Variants in STRBP observed in about 807,000 individuals in gnomAD.
STRBP encodes the protein spermatid perinuclear RNA binding protein.
STRBP carries 13 observed loss-of-function variants against 80.1 expected under a neutral mutation model. That is an observed-to-expected ratio of 0.16 (90% CI 0.11 to 0.26). The LOEUF (loss-of-function observed/expected upper bound fraction) is 0.26. STRBP is among the 10% of genes least tolerant of loss of function. STRBP has a pLI of 1.00. For synonymous variants in STRBP, 284 were observed against 291.2 expected (o/e 0.98, Z 0.25); for missense variants, 485 against 815.2 (o/e 0.59, Z 4.93).
At chr9:123,227,657 C>T (rs1808280694) in intron 2 of STRBP, among the ~76,000 whole-genome samples, 1 of 150,992 alleles carries the variant, frequency 6.6e-6, no homozygotes, top group Admixed American at 6.6e-5. Context: ...CCTCCGCCTC[C>T]CAGGTTCAAG....
At chr9:123,216,440 ACTC>A (rs2039900629) in intron 2 of STRBP, among the ~76,000 whole-genome samples, 1 of 152,098 alleles carries the variant, frequency 6.6e-6, no homozygotes, top group Non-Finnish European at 1.5e-5. Flanking sequence ...AATACGTGCA[ACTC>A]CTCATCATTC....
intron 2 of STRBP, among the ~76,000 whole-genome samples, chr9:123,203,018 C>A (rs183302194): frequency 6.6e-6 from 1 of 152,242 alleles, no homozygotes; most frequent in African/African-American, 2.4e-5. Context: ...AACCCTTCCC[C>A]AGAGTTTATT....
chr9:123,116,296 C>A (rs1305821884), intron 2 of STRBP, among the ~76,000 whole-genome samples: 1 of 152,192 alleles, frequency 6.6e-6, no homozygotes, highest in Non-Finnish European at 1.5e-5. Context: ...TGAGGCGGAA[C>A]ATAAAACACA....
At chr9:123,159,982 T>C (rs557269905) in intron 8 of STRBP, among the ~76,000 whole-genome samples, 1 of 152,246 alleles carries the variant, frequency 6.6e-6, no homozygotes, top group East Asian at 1.9e-4. Flanking sequence ...ATTGGGTAAT[T>C]TTCATGGTAA....
chr9:123,226,454 A>T (rs574829358), intron 2 of STRBP, among the ~76,000 whole-genome samples: 3 of 152,344 alleles, frequency 2.0e-5, no homozygotes, highest in Non-Finnish European at 4.4e-5. Flanking sequence ...TACTAAGCAG[A>T]TTCAAACTCA....
At chr9:123,240,805 T>C (rs372488272) in intron 1 of STRBP, among the ~76,000 whole-genome samples, 1 of 152,272 alleles carries the variant, frequency 6.6e-6, no homozygotes, top group South Asian at 2.1e-4. Context: ...TATATACAAA[T>C]CACCACACTA....
chr9:123,263,981 C>T (rs2041214758), intron 1 of STRBP, among the ~76,000 whole-genome samples: 1 of 152,152 alleles, frequency 6.6e-6, no homozygotes, highest in South Asian at 2.1e-4. Context: ...AGATCGAGAC[C>T]GTCCTGGCCA....
In STRBP at chr9:123,125,059, G is replaced by A; in HGVS notation, c.*538C>T. The A allele has an allele frequency of 1.0e-6, 1 of 985,084 alleles. No homozygotes were observed. The allele number at this position is 985,084 out of a possible 1,614,324, so 61.0% of individuals were successfully genotyped here. On this transcript the variant is annotated 3_prime_UTR_variant, in exon 19 of 19. Coordinates refer to ENST00000348403, the MANE Select transcript of STRBP (RefSeq NM_018387.5). ...CAATATTCAAACCCATATTTTATTG[G>A]CTTTATTACACACTTCAATATTTAC...
intron 2 of STRBP, among the ~76,000 whole-genome samples, chr9:123,192,606 A>G (rs1332473235): frequency 3.3e-5 from 5 of 152,138 alleles, no homozygotes; most frequent in Non-Finnish European, 5.9e-5. Context: ...TTAAAAAGGG[A>G]AAGGGGGATA....
chr9:123,189,103 T>C (rs2038817813), intron 2 of STRBP, among the ~76,000 whole-genome samples: 2 of 152,162 alleles, frequency 1.3e-5, no homozygotes, highest in Non-Finnish European at 2.9e-5. Flanking sequence ...ATGTGGCACA[T>C]ATACACCATG....
At chr9:123,253,563 C>T (rs1339347400) in intron 1 of STRBP, among the ~76,000 whole-genome samples, 1 of 152,236 alleles carries the variant, frequency 6.6e-6, no homozygotes, top group Non-Finnish European at 1.5e-5. Flanking sequence ...CACTTATCAG[C>T]TAAGTGATTC....
intron 2 of STRBP, among the ~76,000 whole-genome samples, chr9:123,225,496 T>G (rs2040206738): frequency 6.6e-6 from 1 of 152,224 alleles, no homozygotes; most frequent in Non-Finnish European, 1.5e-5. Context: ...TTCCTATGTT[T>G]GGGGAATCCC....
At chr9:123,176,606 G>C (rs1335962556) in intron 4 of STRBP, among the ~76,000 whole-genome samples, 2 of 152,192 alleles carry the variant, frequency 1.3e-5, no homozygotes, top group African/African-American at 4.8e-5. Context: ...AGTAGGAAAA[G>C]TATGTGGTAC....
chr9:123,181,449 CT>C (rs2038454432), intron 3 of STRBP, among the ~76,000 whole-genome samples: 1 of 152,138 alleles, frequency 6.6e-6, no homozygotes, highest in Non-Finnish European at 1.5e-5. Context: ...AATGTTAAAT[CT>C]AAAAATGTTA....
chr9:123,148,856 A>AG (rs2036933923), intron 11 of STRBP, among the ~76,000 whole-genome samples: 23 of 152,180 alleles, frequency 1.5e-4, no homozygotes, highest in Admixed American at 1.5e-3. Flanking sequence ...TATCTTACAA[A>AG]CTACCTTAAC....
At chr9:123,215,928 A>G (rs1588115309) in intron 2 of STRBP, among the ~76,000 whole-genome samples, 2 of 152,244 alleles carry the variant, frequency 1.3e-5, no homozygotes, top group African/African-American at 2.4e-5. Context: ...CTAATGTCTG[A>G]TAACAGTGAA....
intron 2 of STRBP, among the ~76,000 whole-genome samples, chr9:123,233,871 G>C (rs2040465943): frequency 6.6e-6 from 1 of 152,116 alleles, no homozygotes; most frequent in Admixed American, 6.5e-5. Flanking sequence ...CAGTTCACAT[G>C]CTTCTTTTAA....
intron 1 of STRBP, among the ~76,000 whole-genome samples, chr9:123,251,591 GT>G (rs2040918921): frequency 6.6e-6 from 1 of 152,116 alleles, no homozygotes; most frequent in African/African-American, 2.4e-5. Context: ...GCTTTTTCAT[GT>G]ACAAGATAAG....
At position 123,136,072 on chromosome 9, in the gene STRBP, G is replaced by A; in HGVS notation, c.1742C>T (p.Ala581Val). ...LEKLFSGPNA[A>V]NNKKKKIIPQ... is the part of the protein sequence containing the mutation. ...GATAATCTTCTTTTTCTTATTATTT[G>A]CCGCATTGGGTCCAGAAAACAGTTT... The change falls in exon 16 of 19, where the codon GCA becomes GTA. Residue 581 changes from alanine to valine, a missense_variant. By Grantham distance (64) the Ala-to-Val change is moderately conservative. This residue lies in a region of STRBP where 85 missense variants were observed against 120.1 expected (regional missense o/e 0.71). Transcript: ENST00000348403. This position sits in a 1 kb window ranked among gnomAD's most constrained non-coding sequence, Gnocchi z 4.2. 2 of 1,614,010 alleles carry A rather than the reference G, an allele frequency of 1.2e-6. No individual in the cohort carries two copies. The highest frequency in any genetic ancestry group is 2.2e-5 in the South Asian group (2 of 91,070).
Sources: gnomAD v4.1 joint callset for allele counts (sites outside exome capture counted in the v4.1 genomes callset) on GRCh38, gnomAD v4.1.1 for gene constraint, gnomAD v4.1.1 regional missense constraint, Gnocchi (gnomAD v3.1) non-coding constraint, MANE v1.5 for transcripts, NCBI Gene and HGNC (gene_info 2026-07-23, HGNC 2026-07-21) for gene names.